Variants in RBFOX1 observed in about 807,000 individuals in gnomAD.
The protein encoded by RBFOX1 is RNA binding fox-1 homolog 1, also known as RNA binding protein fox-1 homolog 1.
In RBFOX1, 8 loss-of-function variants were observed where a neutral mutation model predicts 57.7. That is an observed-to-expected ratio of 0.14 (90% CI 0.08 to 0.25). The LOEUF is 0.25. Ranked by LOEUF, RBFOX1 falls within the 10% of genes least tolerant of loss-of-function variation. RBFOX1 has a pLI of 1.00. For synonymous variants in RBFOX1, 326 were observed against 222.4 expected (o/e 1.47, Z -4.15); for missense variants, 611 against 548.5 (o/e 1.11, Z -1.14).
chr16:7,594,605 C>G (rs571190612), intron 7 of RBFOX1, among the ~76,000 whole-genome samples: 2 of 152,072 alleles, frequency 1.3e-5, no homozygotes, highest in Non-Finnish European at 2.9e-5. Flanking sequence ...ATATTAAAAG[C>G]CAATGTACCT....
chr16:5,658,799 G>GTGTATATATGTATATATAATATA (rs2049545015), intron 3 of RBFOX1, among the ~76,000 whole-genome samples: 1 of 135,180 alleles, frequency 7.4e-6, no homozygotes, highest in Non-Finnish European at 1.5e-5. Context: ...TATAATATAT[G>GTGTATATATGTATATATAATATA]TGTATATATG....
chr16:5,297,405 T>C (rs1028851133), intron 1 of RBFOX1, among the ~76,000 whole-genome samples: 1 of 152,228 alleles, frequency 6.6e-6, no homozygotes, highest in East Asian at 1.9e-4. Flanking sequence ...CCAACACTTG[T>C]TATCTTTCAT....
chr16:5,625,897 A>G (rs2048335530), intron 3 of RBFOX1, among the ~76,000 whole-genome samples: 1 of 148,820 alleles, frequency 6.7e-6, no homozygotes, highest in African/African-American at 2.5e-5. Context: ...TTTTTTTGAG[A>G]TGGAGTTTCA....
chr16:7,077,075 G>T (rs968506807), intron 4 of RBFOX1, among the ~76,000 whole-genome samples: 1 of 152,180 alleles, frequency 6.6e-6, no homozygotes, highest in Non-Finnish European at 1.5e-5. Flanking sequence ...GGTTTTCTTT[G>T]CACAGACTTC....
intron 3 of RBFOX1, among the ~76,000 whole-genome samples, chr16:5,758,723 A>G (rs1019774193): frequency 6.6e-6 from 1 of 152,186 alleles, no homozygotes; most frequent in Non-Finnish European, 1.5e-5. Context: ...GTCAGGGAAG[A>G]CGTGGAATGG....
At chr16:5,382,872 A>T (rs765597818) in intron 1 of RBFOX1, among the ~76,000 whole-genome samples, 3 of 152,250 alleles carry the variant, frequency 2.0e-5, no homozygotes, top group Non-Finnish European at 4.4e-5. Flanking sequence ...TATGGGTAGG[A>T]AAATCCAAAG....
intron 1 of RBFOX1, among the ~76,000 whole-genome samples, chr16:6,100,942 G>T (rs1482846037): frequency 6.6e-6 from 1 of 152,090 alleles, no homozygotes; most frequent in Non-Finnish European, 1.5e-5. Flanking sequence ...CTTCCCTACA[G>T]GCACAAAGGG....
intron 4 of RBFOX1, among the ~76,000 whole-genome samples, chr16:6,009,836 A>G (rs183891055): frequency 4.8e-4 from 18 of 37,234 alleles, no homozygotes; most frequent in African/African-American, 1.0e-3. Flanking sequence ...GTGTGTGTGT[A>G]TAGGGGGATT....
chr16:6,023,254 A>T (rs12927365), intron 1 of RBFOX1, among the ~76,000 whole-genome samples: 83,720 of 145,864 alleles, frequency 0.57, 26,101 homozygotes, highest in East Asian at 0.71. Context: ...TTTTCTTCTC[A>T]TTATAATTGA....
chr16:7,033,932 G>A (rs182467930), intron 3 of RBFOX1, among the ~76,000 whole-genome samples: 9 of 152,324 alleles, frequency 5.9e-5, no homozygotes, highest in Non-Finnish European at 8.8e-5. Flanking sequence ...TTGCACTGCT[G>A]CATTTCAGGC....
chr16:7,427,040 C>T (rs1290364857), intron 4 of RBFOX1, among the ~76,000 whole-genome samples: 13 of 152,206 alleles, frequency 8.5e-5, no homozygotes, highest in Admixed American at 8.5e-4. Context: ...TGCGTGTTCT[C>T]ACTCATAGGT....
rs79031876 is a variant in RBFOX1 at position 5,905,531 on chromosome 16, T to A, written c.351+38196T>A. Among the ~76,000 whole-genome samples, 12 of 152,086 alleles carry A rather than the reference T, an allele frequency of 7.9e-5. No individual in the cohort carries two copies. The South Asian group carries it at 2.5e-3, about 32-fold the overall frequency. ...GTTTTTGACCAGCTTGGAAAACATGTTGAAACCGAATCTCTACAAAAAAAT... is the reference window on the plus strand; with the variant it reads ...GTTTTTGACCAGCTTGGAAAACATGATGAAACCGAATCTCTACAAAAAAAT... On this transcript the variant is annotated intron_variant, in intron 4 of 19. Coordinates refer to the RBFOX1 transcript ENST00000641259.
At chr16:6,485,931 A>C (rs2095470721) in intron 2 of RBFOX1, among the ~76,000 whole-genome samples, 1 of 152,024 alleles carries the variant, frequency 6.6e-6, no homozygotes, top group Non-Finnish European at 1.5e-5. Context: ...TGGGCCAGGT[A>C]ATTGAAGTAC....
intron 1 of RBFOX1, among the ~76,000 whole-genome samples, chr16:6,186,313 A>G (rs2097104905): frequency 1.3e-5 from 2 of 152,142 alleles, no homozygotes; most frequent in African/African-American, 4.8e-5. Flanking sequence ...TTTTCTGTGC[A>G]AGGGAATTTG....
intron 3 of RBFOX1, among the ~76,000 whole-genome samples, chr16:7,009,265 C>T (rs937825255): frequency 1.4e-5 from 2 of 140,232 alleles, no homozygotes; most frequent in Non-Finnish European, 3.0e-5. Flanking sequence ...TCCTCTCCTT[C>T]CTCTTCTTCT....
At chr16:7,374,545 C>A (rs1212958171) in intron 4 of RBFOX1, among the ~76,000 whole-genome samples, 1 of 152,138 alleles carries the variant, frequency 6.6e-6, no homozygotes, top group Non-Finnish European at 1.5e-5. Flanking sequence ...CTACCTGGCT[C>A]TTAGCAATCC....
intron 2 of RBFOX1, among the ~76,000 whole-genome samples, chr16:5,545,427 C>T (rs2045154085): frequency 6.6e-6 from 1 of 152,008 alleles, no homozygotes; most frequent in Non-Finnish European, 1.5e-5. Flanking sequence ...AACTGAAGTC[C>T]AATATCTATC....
At chr16:5,553,619 C>G (rs115907193) in intron 2 of RBFOX1, among the ~76,000 whole-genome samples, 1 of 149,332 alleles carries the variant, frequency 6.7e-6, no homozygotes, top group Admixed American at 6.6e-5. Context: ...CCAGCCATGT[C>G]TGAATATTTT....
intron 1 of RBFOX1, among the ~76,000 whole-genome samples, chr16:6,106,394 A>T (rs2096379193): frequency 7.4e-6 from 1 of 135,538 alleles, no homozygotes; most frequent in South Asian, 2.5e-4. Context: ...TGACCCCTGG[A>T]GTGGGAGGTT....
Sources: allele counts gnomAD v4.1 joint callset (sites outside exome capture counted in the v4.1 genomes callset), GRCh38; gene constraint gnomAD v4.1.1; transcripts MANE v1.5; gene names NCBI Gene and HGNC (gene_info 2026-07-23, HGNC 2026-07-21).